The following GRID1 variants were observed in gnomAD, a reference collection of about 807,000 sequenced individuals.
The protein encoded by GRID1 is glutamate receptor ionotropic, delta-1.
Under a neutral mutation model 98.0 loss-of-function variants are expected in GRID1, and 28 were observed. That is an observed-to-expected ratio of 0.29 (90% confidence interval 0.21 to 0.39). GRID1 has a LOEUF of 0.39. GRID1 is among the 10% of genes least tolerant of loss of function. The pLI is 1.00. For missense variants in GRID1, 1,111 were observed against 1,340.5 expected (o/e 0.83, Z 2.67); for synonymous variants, 553 against 538.5 (o/e 1.03, Z -0.37).
At chr10:86,241,144 T>C (rs1846621888) in intron 2 of GRID1, among the ~76,000 whole-genome samples, 1 of 152,234 alleles carries the variant, frequency 6.6e-6, no homozygotes, top group Non-Finnish European at 1.5e-5. Flanking sequence ...GCCCACAAGA[T>C]GCACCAGCTC....
chr10:86,148,654 A>T (rs1845119689), intron 3 of GRID1, among the ~76,000 whole-genome samples: 1 of 152,144 alleles, frequency 6.6e-6, no homozygotes, highest in Non-Finnish European at 1.5e-5. Context: ...GATAATGCAT[A>T]TGTTGATTAC....
chr10:86,169,364 C>T (rs1472765593), intron 3 of GRID1, among the ~76,000 whole-genome samples: 4 of 152,156 alleles, frequency 2.6e-5, no homozygotes, highest in Non-Finnish European at 1.5e-5. Flanking sequence ...AAACCCCTGA[C>T]TTGTAGCATT....
At chr10:85,936,485 A>T (rs1045761024) in intron 4 of GRID1, among the ~76,000 whole-genome samples, 1 of 151,688 alleles carries the variant, frequency 6.6e-6, no homozygotes, top group Admixed American at 6.6e-5. Flanking sequence ...CTAGAAACTC[A>T]TGTGATAAAT....
chr10:86,340,009 A>T (rs1290134664), intron 2 of GRID1, among the ~76,000 whole-genome samples: 1 of 152,078 alleles, frequency 6.6e-6, no homozygotes, highest in Non-Finnish European at 1.5e-5. Context: ...AGCAGGGTGA[A>T]ATTCTGCATG....
intron 8 of GRID1, among the ~76,000 whole-genome samples, chr10:85,815,249 T>C (rs1842705580): frequency 6.6e-6 from 1 of 152,038 alleles, no homozygotes; most frequent in South Asian, 2.1e-4. Flanking sequence ...CTTCCACGAC[T>C]TAATAAAAGA....
At chr10:86,029,508 C>A (rs1185585643) in intron 4 of GRID1, among the ~76,000 whole-genome samples, 2 of 152,096 alleles carry the variant, frequency 1.3e-5, no homozygotes, top group Admixed American at 1.3e-4. Flanking sequence ...ATAATCACGC[C>A]AAGTATAAGA....
intron 12 of GRID1, among the ~76,000 whole-genome samples, chr10:85,652,144 T>A (rs572037010): frequency 1.3e-5 from 2 of 152,186 alleles, no homozygotes; most frequent in African/African-American, 4.8e-5. Flanking sequence ...AGACCCACCA[T>A]GCATCCTTCA....
intron 4 of GRID1, among the ~76,000 whole-genome samples, chr10:86,069,203 C>A (rs1397752138): frequency 6.6e-6 from 1 of 152,056 alleles, no homozygotes; most frequent in Non-Finnish European, 1.5e-5. Context: ...AGGTTTGCTG[C>A]AAACCTGCCA....
intron 4 of GRID1, among the ~76,000 whole-genome samples, chr10:85,965,504 G>A (rs1316505692): frequency 6.6e-6 from 1 of 152,158 alleles, no homozygotes; most frequent in Non-Finnish European, 1.5e-5. Context: ...GATGACACTG[G>A]AAACCATCAT....
At chr10:85,695,794 A>G (rs949179476) in intron 12 of GRID1, among the ~76,000 whole-genome samples, 7 of 152,212 alleles carry the variant, frequency 4.6e-5, no homozygotes, top group African/African-American at 1.4e-4. Context: ...AAAACAAGCC[A>G]GCTGCTCTTT....
chr10:85,968,674 C>A (rs902662585), intron 4 of GRID1, among the ~76,000 whole-genome samples: 4 of 151,972 alleles, frequency 2.6e-5, no homozygotes, highest in South Asian at 4.2e-4. Flanking sequence ...ATTCCCAGGG[C>A]AACCACCACA....
chr10:86,271,562 A>G (rs1241645018), intron 2 of GRID1, among the ~76,000 whole-genome samples: 3 of 152,396 alleles, frequency 2.0e-5, no homozygotes, highest in African/African-American at 4.8e-5. Context: ...AAGTAGAGAC[A>G]TGGAAGATTT....
intron 4 of GRID1, among the ~76,000 whole-genome samples, chr10:86,037,983 G>A (rs1843292009): frequency 6.6e-6 from 1 of 152,108 alleles, no homozygotes; most frequent in Non-Finnish European, 1.5e-5. Context: ...TCATTAAGGT[G>A]GGCCCTAATC....
At chr10:85,876,097 G>C (rs1843327517) in intron 5 of GRID1, among the ~76,000 whole-genome samples, 1 of 152,206 alleles carries the variant, frequency 6.6e-6, no homozygotes, top group Non-Finnish European at 1.5e-5. Flanking sequence ...CTGACTTCTA[G>C]CTTCCACTGC....
intron 8 of GRID1, among the ~76,000 whole-genome samples, chr10:85,755,125 T>G (rs1590217979): frequency 6.6e-6 from 1 of 152,096 alleles, no homozygotes; most frequent in African/African-American, 2.4e-5. Flanking sequence ...CCGGCCCTTT[T>G]TCATAGGCTA....
chr10:86,111,774 T>C (rs1023542447), intron 4 of GRID1, among the ~76,000 whole-genome samples: 3 of 152,186 alleles, frequency 2.0e-5, no homozygotes, highest in Non-Finnish European at 4.4e-5. Flanking sequence ...GTCATGCCAT[T>C]GAAGGAAGTC....
intron 4 of GRID1, among the ~76,000 whole-genome samples, chr10:86,120,662 C>T (rs1315219924): frequency 6.6e-6 from 1 of 152,156 alleles, no homozygotes; most frequent in Non-Finnish European, 1.5e-5. Context: ...TAACCACATC[C>T]ATTATATGGC....
At chr10:86,177,821 G>A (rs1247321038) in intron 3 of GRID1, among the ~76,000 whole-genome samples, 9 of 152,188 alleles carry the variant, frequency 5.9e-5, no homozygotes, top group South Asian at 2.1e-4. Flanking sequence ...GCGTATGCAC[G>A]CGTGTGTGCA....
Position 86,241,549 on chromosome 10 carries a change from C to G in GRID1, c.236-34901G>C, listed in dbSNP as rs548385349. 2.0e-5 allele frequency among the ~76,000 whole-genome samples: 3 copies of G among 152,378 alleles called. No homozygotes were observed. The East Asian group carries it at 5.8e-4, about 29-fold the overall frequency. On this transcript the variant is annotated intron_variant, in intron 2 of 15. Coordinates refer to ENST00000327946, the MANE Select transcript of GRID1 (RefSeq NM_017551.3). ...CCCCTTAAGCAGAACTCCCCCCCACCGCTATCTGGTCACCAGGGAGTTAGT... is the reference window on the plus strand; with the variant it reads ...CCCCTTAAGCAGAACTCCCCCCCACGGCTATCTGGTCACCAGGGAGTTAGT...
Sources: gnomAD v4.1 joint callset for allele counts (sites outside exome capture counted in the v4.1 genomes callset) on GRCh38, gnomAD v4.1.1 for gene constraint, MANE v1.5 for transcripts, NCBI Gene and HGNC (gene_info 2026-07-23, HGNC 2026-07-21) for gene names.